Variants in TLN2 observed in about 807,000 individuals in gnomAD.
TLN2 encodes the protein talin 2.
In TLN2, 118 loss-of-function variants were observed where a neutral mutation model predicts 294.7. That is an observed-to-expected ratio of 0.40 (90% CI 0.34 to 0.47). The LOEUF is 0.47. Ranked by LOEUF, TLN2 falls within the 20% of genes least tolerant of loss-of-function variation. The probability of loss-of-function intolerance (pLI) is 0.84; values close to 1 mark genes in which losing one functional copy is unlikely to be tolerated. For missense variants in TLN2, 3,083 were observed against 3,282.2 expected, an observed-to-expected ratio of 0.94 and a Z score of 1.48; for synonymous variants, 1,431 against 1,304.5, an observed-to-expected ratio of 1.10 and a Z score of -2.09.
chr15:62,557,347 C>T (rs978044730), intron 1 of TLN2, among the ~76,000 whole-genome samples: 9 of 151,840 alleles, frequency 5.9e-5, no homozygotes, highest in South Asian at 4.2e-4. Flanking sequence ...CTTTGGAGGC[C>T]GCATGGAAAC....
intron 3 of TLN2, among the ~76,000 whole-genome samples, chr15:62,628,965 G>T (rs2049532718): frequency 6.6e-6 from 1 of 152,206 alleles, no homozygotes; most frequent in African/African-American, 2.4e-5. Context: ...GGAGGTACGA[G>T]GCAGGAGGAT....
At chr15:62,797,477 T>C in intron 48 of TLN2, 75 bp downstream of exon 48, 1 of 1,456,550 alleles carries the variant, frequency 6.9e-7, no homozygotes, top group Non-Finnish European at 9.1e-7. Context: ...AGAAGAGGCC[T>C]AAGGCAGAAC....
chr15:62,769,826 C>T (rs1470453719), intron 41 of TLN2, among the ~76,000 whole-genome samples: 4 of 152,120 alleles, frequency 2.6e-5, no homozygotes, highest in Non-Finnish European at 5.9e-5. Context: ...GTAATTTAGC[C>T]ATTAGTCATT....
intron 1 of TLN2, among the ~76,000 whole-genome samples, chr15:62,451,606 A>T (rs1335189703): frequency 1.3e-5 from 2 of 152,184 alleles, no homozygotes; most frequent in African/African-American, 4.8e-5. Context: ...CAGTGAGCCG[A>T]GATTGTGCCA....
At chr15:62,520,239 T>C (rs16945205) in intron 1 of TLN2, among the ~76,000 whole-genome samples, 1,825 of 152,342 alleles carry the variant, frequency 0.012, 35 homozygotes, top group African/African-American at 0.042. Flanking sequence ...AGTTTTGAAC[T>C]AAGAGCTACG....
chr15:62,604,882 C>CGCT (rs1319315215), intron 2 of TLN2, among the ~76,000 whole-genome samples: 10 of 151,732 alleles, frequency 6.6e-5, no homozygotes, highest in Non-Finnish European at 1.2e-4. Flanking sequence ...CATTATTTGC[C>CGCT]GCTGCCGCCG....
At chr15:62,395,095 A>G (rs2032423940) in intron 1 of TLN2, among the ~76,000 whole-genome samples, 2 of 151,784 alleles carry the variant, frequency 1.3e-5, no homozygotes, top group East Asian at 3.9e-4. Context: ...TCACTCATTC[A>G]GTGTATGTTT....
intron 28 of TLN2, among the ~76,000 whole-genome samples, chr15:62,730,434 G>T (rs1318492399): frequency 6.6e-6 from 1 of 152,090 alleles, no homozygotes; most frequent in Non-Finnish European, 1.5e-5. Context: ...TCCCATAGTT[G>T]CCCTTTCCAT....
At chr15:62,401,403 A>G (rs2033008391) in intron 1 of TLN2, among the ~76,000 whole-genome samples, 1 of 152,212 alleles carries the variant, frequency 6.6e-6, no homozygotes, top group Admixed American at 6.5e-5. Flanking sequence ...GTCAGCTCTA[A>G]GTAAAGCAGA....
At chr15:62,481,624 G>A (rs568252215) in intron 1 of TLN2, among the ~76,000 whole-genome samples, 1 of 152,158 alleles carries the variant, frequency 6.6e-6, no homozygotes, top group South Asian at 2.1e-4. Flanking sequence ...GTCTCCCAAA[G>A]TGCTGGGATT....
At position 62,738,212 on chromosome 15, in the gene TLN2, A is replaced by AG; in HGVS notation, c.3568dup. 6.2e-7 allele frequency: 1 copy of AG among 1,613,254 alleles called. No individual in the cohort carries two copies. Among genetic ancestry groups the AG allele is most frequent in the Non-Finnish European group, 8.5e-7 (1 of 1,179,656 alleles). On this transcript the variant is annotated splice_acceptor_variant, in intron 29 of 58. Transcript: ENST00000636159. LOFTEE classifies it high-confidence loss of function. ...GGTGCTTCTCTCTCTCCACGAATTC[A>AG]GGTGGCTAAAGCCGTCTCACACTCC...
In TLN2 at chr15:62,639,723, C is replaced by T. The variant is rs117889925; in HGVS notation, c.-36-7552C>T. On this transcript the variant is annotated intron_variant, in intron 3 of 58. Coordinates refer to ENST00000636159, the MANE Select transcript of TLN2 (RefSeq NM_015059.3). ...ATGGAGCGCTCTCAAGTGTAGATAC[C>T]GAGACTAGGGGAGCCTCTCCACTCA... is the stretch of plus-strand genomic sequence containing the variant. Among the ~76,000 whole-genome samples the T allele has an allele frequency of 3.1e-4, 47 of 152,212 alleles. No homozygotes were observed. The East Asian group carries it at 6.2e-3, about 20-fold the overall frequency.
chr15:62,713,325 C>CCTCAT (rs1253315006), intron 22 of TLN2, among the ~76,000 whole-genome samples: 1 of 150,422 alleles, frequency 6.6e-6, no homozygotes, highest in African/African-American at 2.4e-5. Flanking sequence ...CCACATCTTA[C>CCTCAT]CTCATCTCCC....
Position 62,738,247 on chromosome 15 carries a change from T to C in TLN2, c.3601T>C (p.Cys1201Arg). The change falls in exon 30 of 59, where the codon TGC becomes CGC. Residue 1201 changes from cysteine (C) to arginine (R), a missense_variant. By Grantham distance (180) the Cys-to-Arg change is radical. Transcript: ENST00000636159. ...AKAVSHSLNN[C>R]VNCLPGQKDV... ...AGCCGTCTCACACTCCTTGAATAAC[T>C]GCGTAAATTGCCTCCCTGGGCAGAA... The C allele has an allele frequency of 6.2e-7, 1 of 1,614,136 alleles. No homozygotes were observed. Among genetic ancestry groups the C allele is most frequent in the Non-Finnish European group, 8.5e-7 (1 of 1,180,006 alleles).
intron 1 of TLN2, among the ~76,000 whole-genome samples, chr15:62,393,460 G>C (rs2032266816): frequency 6.6e-6 from 1 of 152,070 alleles, no homozygotes; most frequent in South Asian, 2.1e-4. Flanking sequence ...GAAGAGGTGA[G>C]TATGTTATTT....
intron 1 of TLN2, among the ~76,000 whole-genome samples, chr15:62,522,277 G>A (rs1876163071): frequency 6.6e-6 from 1 of 151,266 alleles, no homozygotes; most frequent in African/African-American, 2.4e-5. Flanking sequence ...TTAGAGGGAA[G>A]ATACCAAGAA....
At chr15:62,427,711 G>C (rs1292457240) in intron 1 of TLN2, among the ~76,000 whole-genome samples, 1 of 152,182 alleles carries the variant, frequency 6.6e-6, no homozygotes, top group Admixed American at 6.5e-5. Context: ...CTCTGGGGCA[G>C]TTGGCAGTTT....
At chr15:62,532,531 G>C (rs1220598937) in intron 1 of TLN2, among the ~76,000 whole-genome samples, 1 of 152,194 alleles carries the variant, frequency 6.6e-6, no homozygotes, top group Non-Finnish European at 1.5e-5. Flanking sequence ...CACTGTCCCT[G>C]TTGGCAGCCA....
chr15:62,693,704 A>T (rs952596680), intron 13 of TLN2, among the ~76,000 whole-genome samples: 2 of 152,208 alleles, frequency 1.3e-5, no homozygotes, highest in East Asian at 3.8e-4. Flanking sequence ...CAAAAAACCA[A>T]GATTTAATAG....
Sources: gnomAD v4.1 joint callset for allele counts (sites outside exome capture counted in the v4.1 genomes callset) on GRCh38, gnomAD v4.1.1 for gene constraint, MANE v1.5 for transcripts, NCBI Gene and HGNC (gene_info 2026-07-23, HGNC 2026-07-21) for gene names.